ATM: variants seen among roughly 807,000 people sequenced by gnomAD.
ATM encodes the protein serine-protein kinase ATM.
ATM carries 308 observed loss-of-function variants against 387.0 expected under a neutral mutation model. The observed-to-expected ratio is 0.80, with a 90% CI of 0.73 to 0.87. ATM has a LOEUF of 0.87. Ranked by LOEUF, ATM falls within the 40% of genes least tolerant of loss-of-function variation. ATM has a pLI of 0.00. For missense variants in ATM, 3,312 were observed against 3,560.9 expected, an observed-to-expected ratio of 0.93 and a Z score of 1.78; for synonymous variants, 1,156 against 1,187.3, an observed-to-expected ratio of 0.97 and a Z score of 0.54.
chr11:108,305,178 C>A (rs1473745824), intron 37 of ATM, among the ~76,000 whole-genome samples: 1 of 152,196 alleles, frequency 6.6e-6, no homozygotes, highest in African/African-American at 2.4e-5. Flanking sequence ...AAAAGAAACA[C>A]CCACATTCTA....
At chr11:108,354,542 G>A (rs1321691824) in intron 60 of ATM, among the ~76,000 whole-genome samples, 1 of 152,238 alleles carries the variant, frequency 6.6e-6, no homozygotes, top group Non-Finnish European at 1.5e-5. Context: ...CAAAGACTGA[G>A]AGCTGAGCCC....
rs1366528638 is a variant in ATM at position 108,288,972 on chromosome 11, G to C, written c.4110-5G>C. 1.2e-6 allele frequency: 2 copies of C among 1,613,486 alleles called. No individual in the cohort carries two copies. The highest frequency in any genetic ancestry group is 1.7e-6 in the Non-Finnish European group (2 of 1,179,670). The stretch of plus-strand genomic sequence containing the variant: ...TGACTGTATTTTTTCCCTTAACTCT[G>C]TTAGGGATTTGGATCCTGCTCCTAA... On this transcript the variant is annotated splice_polypyrimidine_tract_variant and splice_region_variant and intron_variant, in intron 27 of 62. Transcript: ENST00000675843.
chr11:108,257,520 A>C lies in ATM; in HGVS notation c.2290A>C (p.Lys764Gln). ...TGCAGGAGAAAGTATCACTCTGTTT[A>C]AAAATAAGACAAATGAGGAATTCAG... is the stretch of plus-strand genomic sequence containing the variant. ...QCAGESITLF[K>Q]NKTNEEFRIG... The change falls in exon 15 of 63, where the codon AAA becomes CAA. Residue 764 changes from lysine (K) to glutamine (Q), a missense_variant. Physicochemically the swap from Lys to Gln is moderately conservative, Grantham distance 53. This residue lies in a region of ATM where 1,791 missense variants were observed against 1,804.5 expected (regional missense o/e 0.99). Coordinates refer to ENST00000675843, the MANE Select transcript of ATM (RefSeq NM_000051.4). The C allele has an allele frequency of 6.2e-7, 1 of 1,613,948 alleles. No individual in the cohort carries two copies. The highest frequency in any genetic ancestry group is 1.1e-5 in the South Asian group (1 of 91,084).
intron 6 of ATM, 100 bp from the exon 7 acceptor site, chr11:108,244,687 GT>G: frequency 1.1e-6 from 1 of 942,828 alleles, no homozygotes; most frequent in Non-Finnish European, 1.7e-6. Context: ...GAAAATTAGG[GT>G]TTTGTTTTTT....
At chr11:108,247,359 G>A (rs538134019) in intron 8 of ATM, among the ~76,000 whole-genome samples, 5 of 152,024 alleles carry the variant, frequency 3.3e-5, no homozygotes, top group Non-Finnish European at 7.4e-5. Flanking sequence ...ATTCTTAAAT[G>A]ATTGTCTCTA....
intron 39 of ATM, among the ~76,000 whole-genome samples, chr11:108,311,684 C>T (rs892407520): frequency 5.3e-5 from 8 of 150,196 alleles, no homozygotes; most frequent in Non-Finnish European, 8.9e-5. Context: ...GGCGACAGAG[C>T]GAGACCCTAT....
At position 108,281,480 on chromosome 11, in the gene ATM, A is replaced by G. The variant is rs78668772; in HGVS notation, c.3576+312A>G. ...TTATTGAGGGAAACACATGGAGACA[A>G]GAGCAGCATAGGTGTTTTGCCCGGT... On this transcript the variant is annotated intron_variant, in intron 24 of 62. Coordinates refer to ENST00000675843, the MANE Select transcript of ATM (RefSeq NM_000051.4). 7.6e-3 allele frequency among the ~76,000 whole-genome samples: 1,153 copies of G among 152,332 alleles called. 9 individuals are homozygous for G. The highest frequency in any genetic ancestry group is 0.025 in the African/African-American group (1,024 of 41,576).
rs2082203589 is a variant in ATM, at chr11:108,281,016, G to A, written c.3424G>A (p.Glu1142Lys). 1 of 1,612,842 alleles carries A rather than the reference G, an allele frequency of 6.2e-7. No individual in the cohort carries two copies. The highest frequency in any genetic ancestry group is 8.5e-7 in the Non-Finnish European group (1 of 1,179,284). Residue 1142 changes from glutamate to lysine, a missense_variant, in exon 24 of 63, where the codon GAA (glutamate) becomes AAA (lysine). Glu to Lys is a moderately conservative substitution (Grantham distance 56). This residue lies in a region of ATM where 1,791 missense variants were observed against 1,804.5 expected (regional missense o/e 0.99). Coordinates refer to ENST00000675843, the MANE Select transcript of ATM (RefSeq NM_000051.4). The part of the protein sequence containing the change: ...REMSHSAENP[E>K]TLDEIYNRKS... ...TAAGTCCCATAGTGCTGAGAACCCT[G>A]AAACTTTGGATGAAATTTATAATAG...
chr11:108,227,965 T>C (rs183351553), intron 3 of ATM, 77 bp downstream of exon 3: 2 of 1,266,164 alleles, frequency 1.6e-6, no homozygotes, highest in Admixed American at 3.7e-5. Flanking sequence ...TACTTTTGTG[T>C]GTAAGTCTTA....
At chr11:108,279,143 T>C (rs865918661) in intron 22 of ATM, among the ~76,000 whole-genome samples, 1 of 152,326 alleles carries the variant, frequency 6.6e-6, no homozygotes, top group African/African-American at 2.4e-5. Flanking sequence ...CAGGTTGACA[T>C]TGGAATCTGT....
At chr11:108,291,478 T>C (rs1160071703) in intron 29 of ATM, among the ~76,000 whole-genome samples, 2 of 152,204 alleles carry the variant, frequency 1.3e-5, no homozygotes. Context: ...TATCTCAAAC[T>C]GAACCTCTCT....
intron 28 of ATM, 59 bp from the exon 29 acceptor site, chr11:108,289,543 A>G: frequency 3.9e-6 from 5 of 1,269,080 alleles, no homozygotes; most frequent in Non-Finnish European, 4.4e-6. Context: ...TATAAAGTGT[A>G]TTTATTGTAG....
intron 45 of ATM, among the ~76,000 whole-genome samples, chr11:108,323,129 G>A (rs543744732): frequency 6.6e-6 from 1 of 152,218 alleles, no homozygotes; most frequent in African/African-American, 2.4e-5. Context: ...ATATGTTTTG[G>A]AAGTAGAAAA....
intron 57 of ATM, 110 bp from the exon 58 acceptor site, chr11:108,345,633 C>T (rs1747642882): frequency 2.3e-6 from 2 of 859,530 alleles, no homozygotes; most frequent in East Asian, 2.7e-5. Flanking sequence ...GTAATGTATC[C>T]TGTTCATCTT....
intron 59 of ATM, among the ~76,000 whole-genome samples, chr11:108,349,530 G>A (rs1184298091): frequency 6.6e-6 from 1 of 152,172 alleles, no homozygotes; most frequent in African/African-American, 2.4e-5. Flanking sequence ...GGGCGAGGTG[G>A]TGGGCACCTG....
At chr11:108,308,993 T>C in intron 38 of ATM, 1 of 1,526,992 alleles carries the variant, frequency 6.5e-7, no homozygotes. Flanking sequence ...TAGAATGGTG[T>C]TGACATTAGC....
chr11:108,233,928 G>T (rs2079142672), intron 4 of ATM, among the ~76,000 whole-genome samples: 1 of 152,110 alleles, frequency 6.6e-6, no homozygotes, highest in Non-Finnish European at 1.5e-5. Context: ...GAGATATATT[G>T]GGATAAAGGA....
At chr11:108,352,071 G>C (rs1319786158) in intron 59 of ATM, among the ~76,000 whole-genome samples, 1 of 152,150 alleles carries the variant, frequency 6.6e-6, no homozygotes, top group African/African-American at 2.4e-5. Context: ...GTTTAAGGAA[G>C]ATCCTGAGTC....
At chr11:108,296,302 G>C (rs1039802927) in intron 32 of ATM, among the ~76,000 whole-genome samples, 1 of 151,282 alleles carries the variant, frequency 6.6e-6, no homozygotes, top group Admixed American at 6.6e-5. Context: ...CCAGGTTGGA[G>C]TGCAGTGGCA....
Sources: allele counts gnomAD v4.1 joint callset (sites outside exome capture counted in the v4.1 genomes callset), GRCh38; gene constraint gnomAD v4.1.1; regional missense constraint gnomAD v4.1.1; transcripts MANE v1.5; gene names NCBI Gene and HGNC (gene_info 2026-07-23, HGNC 2026-07-21).